Variants in KCNIP4 observed in about 807,000 individuals in gnomAD.
KCNIP4 encodes the protein potassium voltage-gated channel interacting protein 4, also known as Kv channel-interacting protein 4.
Under a neutral mutation model 34.0 loss-of-function variants are expected in KCNIP4, and 12 were observed. The observed-to-expected ratio is 0.35, with a 90% CI of 0.23 to 0.57. The LOEUF is 0.57. KCNIP4 is among the 20% of genes least tolerant of loss of function. The pLI is 0.83. For synonymous variants in KCNIP4, 124 were observed against 102.2 expected, an observed-to-expected ratio of 1.21 and a Z score of -1.29; for missense variants, 238 against 311.7, an observed-to-expected ratio of 0.76 and a Z score of 1.78.
At chr4:21,671,002 C>T (rs1749461581) in intron 1 of KCNIP4, among the ~76,000 whole-genome samples, 1 of 151,334 alleles carries the variant, frequency 6.6e-6, no homozygotes, top group African/African-American at 2.4e-5. Flanking sequence ...TTATGTTTTC[C>T]ACTGGTTTAA....
intron 1 of KCNIP4, among the ~76,000 whole-genome samples, chr4:21,570,136 T>C (rs1740251931): frequency 1.3e-5 from 2 of 152,128 alleles, no homozygotes; most frequent in South Asian, 4.1e-4. Context: ...CATTTCCTAC[T>C]GGCAAAATCT....
chr4:21,199,188 G>A (rs1241775126), intron 1 of KCNIP4, among the ~76,000 whole-genome samples: 5 of 152,268 alleles, frequency 3.3e-5, no homozygotes, highest in Middle Eastern at 3.4e-3. Context: ...CAGTGCTACC[G>A]ACAGTGTAAA....
rs1435978839 is a variant in KCNIP4, at chr4:21,948,596, C to G, written c.36G>C (p.Gln12His). 6.2e-7 allele frequency: 1 copy of G among 1,613,750 alleles called. No individual in the cohort carries two copies. The highest frequency in any genetic ancestry group is 1.1e-5 in the South Asian group (1 of 90,988). The change falls in exon 1 of 9, where the codon CAG (glutamine) becomes CAC (histidine). Residue 12 changes from glutamine (Q) to histidine (H), a missense_variant. Physicochemically the swap from Gln to His is conservative, Grantham distance 24. Coordinates refer to ENST00000382152, the MANE Select transcript of KCNIP4 (RefSeq NM_025221.6). ...CGCCTGTAGAGCTGGCCTCCTCCAG[C>G]TGAGCCGAAATGCTTTCCACCCTCC... ...NVRRVESISA[Q>H]LEEASSTGGF...
intron 1 of KCNIP4, among the ~76,000 whole-genome samples, chr4:21,287,300 A>G (rs767724710): frequency 4.6e-5 from 7 of 152,196 alleles, no homozygotes; most frequent in Admixed American, 2.0e-4. Flanking sequence ...GAATAATACC[A>G]TGTACATTCC....
chr4:21,341,717 T>C (rs1578101400), intron 1 of KCNIP4, among the ~76,000 whole-genome samples: 2 of 152,164 alleles, frequency 1.3e-5, no homozygotes, highest in African/African-American at 4.8e-5. Flanking sequence ...ATTTCTGAGA[T>C]ACATGAATCA....
intron 3 of KCNIP4, among the ~76,000 whole-genome samples, chr4:20,771,819 G>A (rs997301225): frequency 1.4e-4 from 22 of 152,044 alleles, no homozygotes; most frequent in Non-Finnish European, 2.5e-4. Context: ...ACAGGCACCC[G>A]CCACCAAGCT....
intron 1 of KCNIP4, among the ~76,000 whole-genome samples, chr4:21,307,077 C>T (rs1712564143): frequency 6.6e-6 from 1 of 152,076 alleles, no homozygotes; most frequent in Non-Finnish European, 1.5e-5. Flanking sequence ...CCACCTTGGA[C>T]CCCCAAAGTC....
intron 1 of KCNIP4, among the ~76,000 whole-genome samples, chr4:21,832,505 G>GAAATC (rs1364775142): frequency 6.6e-6 from 1 of 152,072 alleles, no homozygotes; most frequent in Non-Finnish European, 1.5e-5. Flanking sequence ...CCCATCTGAG[G>GAAATC]AAATCATCAG....
At chr4:21,256,418 T>TAAAA (rs35912916) in intron 1 of KCNIP4, among the ~76,000 whole-genome samples, 8 of 120,922 alleles carry the variant, frequency 6.6e-5, no homozygotes, top group Admixed American at 3.4e-4. Flanking sequence ...CATCCCTGCT[T>TAAAA]AAAAAAAAAA....
chr4:20,846,518 A>C (rs910602129), intron 3 of KCNIP4, among the ~76,000 whole-genome samples: 1 of 152,178 alleles, frequency 6.6e-6, no homozygotes, highest in African/African-American at 2.4e-5. Context: ...CTTTCTGTTC[A>C]CTGTCTGTTA....
chr4:21,557,728 G>C (rs1739189218), intron 1 of KCNIP4, among the ~76,000 whole-genome samples: 1 of 152,072 alleles, frequency 6.6e-6, no homozygotes, highest in African/African-American at 2.4e-5. Flanking sequence ...CTAGGCATTT[G>C]CTTCAATTTT....
In KCNIP4 at chr4:21,655,771, G is replaced by T. The variant is rs569407924; in HGVS notation, c.61+292800C>A. 2.6e-5 allele frequency among the ~76,000 whole-genome samples: 4 copies of T among 152,254 alleles called. No individual in the cohort carries two copies. In the East Asian group the frequency reaches 7.7e-4, roughly 29 times the overall value. On this transcript the variant is annotated intron_variant, in intron 1 of 8. Coordinates refer to ENST00000382152, the MANE Select transcript of KCNIP4 (RefSeq NM_025221.6). ...TAATTGAATGAGCATATAACACAGA[G>T]AAATCAAGTGTTTGTCATTAAGTGC...
At chr4:21,642,560 G>A (rs887648163) in intron 1 of KCNIP4, among the ~76,000 whole-genome samples, 1 of 152,104 alleles carries the variant, frequency 6.6e-6, no homozygotes, top group African/African-American at 2.4e-5. Flanking sequence ...AATGGAAATG[G>A]CTCTATTTAC....
At chr4:21,375,810 G>T (rs1430635100) in intron 1 of KCNIP4, among the ~76,000 whole-genome samples, 1 of 151,850 alleles carries the variant, frequency 6.6e-6, no homozygotes, top group Non-Finnish European at 1.5e-5. Context: ...CTCGTGATTG[G>T]CCCGCCTCAG....
intron 3 of KCNIP4, among the ~76,000 whole-genome samples, chr4:20,785,203 G>C (rs1005566760): frequency 1.3e-5 from 2 of 152,096 alleles, no homozygotes; most frequent in African/African-American, 2.4e-5. Flanking sequence ...TGAAAGACAA[G>C]TACCAGTCTA....
chr4:21,358,583 G>A (rs1018253158), intron 1 of KCNIP4, among the ~76,000 whole-genome samples: 3 of 152,112 alleles, frequency 2.0e-5, no homozygotes, highest in Non-Finnish European at 4.4e-5. Flanking sequence ...AGGGTGACCA[G>A]ATTGAACATT....
At chr4:21,021,859 CGTATAGTATA>C (rs148164124) in intron 1 of KCNIP4, among the ~76,000 whole-genome samples, 6,030 of 145,894 alleles carry the variant, frequency 0.041, 219 homozygotes, top group African/African-American at 0.087. Flanking sequence ...AGTATAGTAT[CGTATAGTATA>C]GTATAGTATA....
intron 1 of KCNIP4, among the ~76,000 whole-genome samples, chr4:21,556,922 G>GAAAAAAAAAA (rs1253971751): frequency 1.4e-5 from 1 of 70,844 alleles, no homozygotes; most frequent in Non-Finnish European, 2.7e-5. Flanking sequence ...CTCCATCTCA[G>GAAAAAAAAAA]AAAAAAAAAA....
intron 1 of KCNIP4, among the ~76,000 whole-genome samples, chr4:20,931,907 T>C (rs1166741057): frequency 2.0e-5 from 3 of 149,768 alleles, no homozygotes; most frequent in Non-Finnish European, 4.4e-5. Context: ...TTGTAGACTA[T>C]AATAGTCTAT....
Sources: allele counts gnomAD v4.1 joint callset (sites outside exome capture counted in the v4.1 genomes callset), GRCh38; gene constraint gnomAD v4.1.1; transcripts MANE v1.5; gene names NCBI Gene and HGNC (gene_info 2026-07-23, HGNC 2026-07-21).